GPC6: variants seen among roughly 807,000 people sequenced by gnomAD.
GPC6 encodes the protein glypican 6.
In GPC6, 14 loss-of-function variants were observed where a neutral mutation model predicts 55.2. The ratio of observed to expected loss-of-function variants is 0.25; its 90% CI spans 0.17 to 0.40. GPC6 has a LOEUF of 0.40. Ranked by LOEUF, GPC6 falls within the 10% of genes least tolerant of loss-of-function variation. The pLI is 1.00. For synonymous variants in GPC6, 278 were observed against 259.6 expected, an observed-to-expected ratio of 1.07 and a Z score of -0.68; for missense variants, 641 against 708.5, an observed-to-expected ratio of 0.90 and a Z score of 1.08.
At chr13:93,774,496 A>G (rs1885400850) in intron 2 of GPC6, among the ~76,000 whole-genome samples, 1 of 152,146 alleles carries the variant, frequency 6.6e-6, no homozygotes, top group African/African-American at 2.4e-5. Flanking sequence ...TATTATTTTT[A>G]CCAAAATCCT....
intron 3 of GPC6, among the ~76,000 whole-genome samples, chr13:93,939,628 T>A (rs530295462): frequency 6.6e-6 from 1 of 152,186 alleles, no homozygotes; most frequent in South Asian, 2.1e-4. Flanking sequence ...ACTAAAATTT[T>A]TTTTGAGATG....
chr13:94,343,274 T>A (rs1878129221), intron 6 of GPC6, among the ~76,000 whole-genome samples: 1 of 152,184 alleles, frequency 6.6e-6, no homozygotes, highest in African/African-American at 2.4e-5. Flanking sequence ...ACTCTCCTTT[T>A]GCCAGGAGAG....
At chr13:94,056,544 C>T (rs1034557860) in intron 4 of GPC6, among the ~76,000 whole-genome samples, 2 of 152,162 alleles carry the variant, frequency 1.3e-5, no homozygotes, top group African/African-American at 2.4e-5. Flanking sequence ...GAGTCAACTC[C>T]GAGCCTCTGG....
chr13:94,181,056 G>A (rs1236318625), intron 4 of GPC6, among the ~76,000 whole-genome samples: 1 of 152,158 alleles, frequency 6.6e-6, no homozygotes, highest in Non-Finnish European at 1.5e-5. Flanking sequence ...CTGCAGTTTG[G>A]CATTAGTTGA....
chr13:93,268,138 T>C (rs181944196), intron 1 of GPC6, among the ~76,000 whole-genome samples: 2 of 152,362 alleles, frequency 1.3e-5, no homozygotes, highest in Non-Finnish European at 2.9e-5. Context: ...GTGGGTTATA[T>C]GCATTTCTAT....
chr13:93,691,101 T>C (rs1440088266), intron 2 of GPC6, among the ~76,000 whole-genome samples: 4 of 152,108 alleles, frequency 2.6e-5, no homozygotes, highest in African/African-American at 7.2e-5. Context: ...CCTTACCAAA[T>C]AAAGAGAACA....
intron 2 of GPC6, among the ~76,000 whole-genome samples, chr13:93,649,248 C>G (rs545063985): frequency 6.6e-6 from 1 of 152,032 alleles, no homozygotes; most frequent in Non-Finnish European, 1.5e-5. Flanking sequence ...CTCACGAGTT[C>G]GAGACAAGCC....
intron 2 of GPC6, among the ~76,000 whole-genome samples, chr13:93,675,702 A>G (rs73543598): frequency 0.042 from 6,333 of 152,222 alleles, 444 homozygotes; most frequent in African/African-American, 0.14. Flanking sequence ...AATGTCGTCA[A>G]GCAAACCCTC....
chr13:93,239,218 A>G (rs1457816343), intron 1 of GPC6, among the ~76,000 whole-genome samples: 3 of 151,886 alleles, frequency 2.0e-5, no homozygotes, highest in Non-Finnish European at 4.4e-5. Flanking sequence ...CCTGGGCTTC[A>G]TGTTGTTGGA....
rs559544304 is a variant in GPC6, at chr13:94,384,567, T to G, written c.1289+2017T>G. 4.6e-5 allele frequency among the ~76,000 whole-genome samples: 7 copies of G among 152,264 alleles called. No homozygotes were observed. In the South Asian group the frequency reaches 1.5e-3, roughly 32 times the overall value. On this transcript the variant is annotated intron_variant, in intron 7 of 8. Transcript: ENST00000377047. ...GAAATATTTTTTTAAAAAAAGGCCATGGGCGAAGTTAGGGGAAGAGACTAA... is the reference window on the plus strand; with the variant it reads ...GAAATATTTTTTTAAAAAAAGGCCAGGGGCGAAGTTAGGGGAAGAGACTAA...
intron 2 of GPC6, among the ~76,000 whole-genome samples, chr13:93,731,097 A>G (rs1448648832): frequency 6.6e-6 from 1 of 152,130 alleles, no homozygotes; most frequent in African/African-American, 2.4e-5. Flanking sequence ...ATACAGTGGG[A>G]TACAATGAAG....
At chr13:93,791,981 T>A (rs1273486717) in intron 2 of GPC6, among the ~76,000 whole-genome samples, 1 of 152,252 alleles carries the variant, frequency 6.6e-6, no homozygotes, top group Non-Finnish European at 1.5e-5. Context: ...TGTGAATTTT[T>A]GAAGATTTTT....
At chr13:94,192,561 G>A (rs569975743) in intron 4 of GPC6, among the ~76,000 whole-genome samples, 24 of 152,300 alleles carry the variant, frequency 1.6e-4, no homozygotes, top group African/African-American at 5.5e-4. Flanking sequence ...ATATGAGCCT[G>A]CATTTCCCAT....
At chr13:93,618,335 G>A (rs972926368) in intron 2 of GPC6, among the ~76,000 whole-genome samples, 1 of 151,996 alleles carries the variant, frequency 6.6e-6, no homozygotes, top group African/African-American at 2.4e-5. Context: ...TTAGTAAATT[G>A]ATCATTAAAA....
intron 7 of GPC6, among the ~76,000 whole-genome samples, chr13:94,393,001 ATCTC>A (rs1880725144): frequency 6.6e-6 from 1 of 152,166 alleles, no homozygotes; most frequent in African/African-American, 2.4e-5. Context: ...CAGGGTTCCA[ATCTC>A]TCCACATTTT....
intron 3 of GPC6, among the ~76,000 whole-genome samples, chr13:93,984,587 G>A (rs1880944259): frequency 6.6e-6 from 1 of 152,188 alleles, no homozygotes; most frequent in Non-Finnish European, 1.5e-5. Context: ...AAAGATGTAT[G>A]TGCCAAAAGT....
At chr13:93,351,110 T>G (rs1267226498) in intron 1 of GPC6, among the ~76,000 whole-genome samples, 2 of 152,246 alleles carry the variant, frequency 1.3e-5, no homozygotes, top group Non-Finnish European at 2.9e-5. Context: ...TAAAAAGACA[T>G]TTTCTATAAT....
chr13:93,541,512 T>C (rs11070060), intron 1 of GPC6, among the ~76,000 whole-genome samples: 31,847 of 44,194 alleles, frequency 0.72, 11,646 homozygotes, highest in Middle Eastern at 0.84. Flanking sequence ...TTTATAGCAG[T>C]ATGATTTATA....
At chr13:94,363,421 G>T (rs1037502141) in intron 6 of GPC6, among the ~76,000 whole-genome samples, 1 of 152,188 alleles carries the variant, frequency 6.6e-6, no homozygotes, top group Non-Finnish European at 1.5e-5. Flanking sequence ...GTTCTTTCCT[G>T]CTGTACTTCG....
Sources: allele counts gnomAD v4.1 joint callset (sites outside exome capture counted in the v4.1 genomes callset), GRCh38; gene constraint gnomAD v4.1.1; transcripts MANE v1.5; gene names NCBI Gene and HGNC (gene_info 2026-07-23, HGNC 2026-07-21).